The following FBXL17 variants were observed in gnomAD, a reference collection of about 807,000 sequenced individuals.
FBXL17 encodes the protein F-box/LRR-repeat protein 17.
A neutral mutation model predicts 66.2 loss-of-function variants in FBXL17; 22 were observed. The ratio of observed to expected loss-of-function variants is 0.33; its 90% CI spans 0.24 to 0.47. The LOEUF (loss-of-function observed/expected upper bound fraction) is 0.47, where lower values mean the gene tolerates loss of function less well. Ranked by LOEUF, FBXL17 falls within the 20% of genes least tolerant of loss-of-function variation. FBXL17 has a pLI of 1.00. For missense variants in FBXL17, 878 were observed against 948.2 expected (o/e 0.93, Z 0.97); for synonymous variants, 474 against 400.5 (o/e 1.18, Z -2.19).
intron 5 of FBXL17, among the ~76,000 whole-genome samples, chr5:108,189,319 G>C (rs112697019): frequency 2.3e-5 from 3 of 132,162 alleles, no homozygotes; most frequent in African/African-American, 8.9e-5. Flanking sequence ...GATGGGATGG[G>C]ATGGGATGGG....
chr5:108,152,839 T>A (rs1751823631), intron 6 of FBXL17, among the ~76,000 whole-genome samples: 1 of 152,222 alleles, frequency 6.6e-6, no homozygotes. Context: ...CTTGTTTATG[T>A]AAAATTCAGA....
chr5:108,048,090 C>G (rs888348840), intron 6 of FBXL17, among the ~76,000 whole-genome samples: 4 of 152,224 alleles, frequency 2.6e-5, no homozygotes, highest in East Asian at 3.9e-4. Context: ...GAGGAAGGAG[C>G]AGGCAGCCAT....
intron 8 of FBXL17, among the ~76,000 whole-genome samples, chr5:107,877,398 A>T (rs1379843268): frequency 6.6e-6 from 1 of 152,178 alleles, no homozygotes. Flanking sequence ...TAACCAAGAG[A>T]GACGGCGGGT....
At chr5:108,161,161 G>GATACATACATACATACATAC (rs36073647) in intron 6 of FBXL17, among the ~76,000 whole-genome samples, 4,875 of 149,294 alleles carry the variant, frequency 0.033, 152 homozygotes, top group East Asian at 0.14. Context: ...TCAACAAATA[G>GATACATACATACATACATAC]ATACATACAT....
intron 5 of FBXL17, among the ~76,000 whole-genome samples, chr5:108,217,986 G>A (rs1320695052): frequency 6.7e-6 from 1 of 148,250 alleles, no homozygotes; most frequent in Non-Finnish European, 1.5e-5. Context: ...ATTCCATTGT[G>A]TGTATATACC....
chr5:108,015,343 G>A (rs1754341587), intron 7 of FBXL17, among the ~76,000 whole-genome samples: 2 of 151,972 alleles, frequency 1.3e-5, no homozygotes, highest in Non-Finnish European at 2.9e-5. Flanking sequence ...GTAAACATTA[G>A]GACATTCTTT....
chr5:108,265,296 T>A (rs997490678), intron 4 of FBXL17, among the ~76,000 whole-genome samples: 2 of 152,010 alleles, frequency 1.3e-5, no homozygotes, highest in South Asian at 2.1e-4. Flanking sequence ...GAAAAAAAAA[T>A]TCAATTTGAC....
chr5:108,223,013 A>G (rs1754939143), intron 5 of FBXL17, among the ~76,000 whole-genome samples: 1 of 152,092 alleles, frequency 6.6e-6, no homozygotes, highest in South Asian at 2.1e-4. Context: ...TTTACTTAGC[A>G]TTTACTGTGG....
intron 5 of FBXL17, among the ~76,000 whole-genome samples, chr5:108,188,181 G>C (rs1753316391): frequency 6.6e-6 from 1 of 152,184 alleles, no homozygotes; most frequent in Admixed American, 6.5e-5. Context: ...TTCCACCTCA[G>C]CTCCCAATGG....
chr5:107,918,349 G>C (rs1229437683), intron 7 of FBXL17, among the ~76,000 whole-genome samples: 2 of 152,310 alleles, frequency 1.3e-5, no homozygotes, highest in East Asian at 3.9e-4. Flanking sequence ...GGCTGGCTGG[G>C]AACTGGCAAA....
chr5:108,354,861 G>T (rs2112513265), intron 3 of FBXL17, among the ~76,000 whole-genome samples: 1 of 151,950 alleles, frequency 6.6e-6, no homozygotes, highest in East Asian at 1.9e-4. Context: ...GAAGAAAGTA[G>T]AGTGAAATAT....
intron 6 of FBXL17, among the ~76,000 whole-genome samples, chr5:108,077,662 CAA>C (rs5870293): frequency 1.2e-3 from 162 of 133,938 alleles, no homozygotes; most frequent in East Asian, 1.5e-3. Context: ...GATCCTATCT[CAA>C]AAAAAAAAAA....
At chr5:108,214,558 G>T (rs1328258275) in intron 5 of FBXL17, among the ~76,000 whole-genome samples, 1 of 151,844 alleles carries the variant, frequency 6.6e-6, no homozygotes, top group Non-Finnish European at 1.5e-5. Context: ...TTTTAGTAGA[G>T]ACAGCATTTC....
intron 6 of FBXL17, among the ~76,000 whole-genome samples, chr5:108,156,036 C>A (rs565758535): frequency 5.0e-4 from 76 of 152,118 alleles, no homozygotes; most frequent in African/African-American, 1.7e-3. Flanking sequence ...AAAGAAGCAA[C>A]CTAGAAACAG....
chr5:108,143,505 C>T (rs1751440199), intron 6 of FBXL17, among the ~76,000 whole-genome samples: 1 of 152,126 alleles, frequency 6.6e-6, no homozygotes, highest in African/African-American at 2.4e-5. Flanking sequence ...CAATGGAACA[C>T]TCAGTCTTCT....
intron 4 of FBXL17, among the ~76,000 whole-genome samples, chr5:108,237,267 G>C (rs1755648942): frequency 6.6e-6 from 1 of 152,198 alleles, no homozygotes. Context: ...CATGTTAAGT[G>C]CTGATGCTGT....
chr5:108,047,392 C>T lies in FBXL17; in HGVS notation c.1746-26391G>A, dbSNP rs940166592. Among the ~76,000 whole-genome samples, 3 of 152,206 alleles carry T rather than the reference C, an allele frequency of 2.0e-5. No individual in the cohort carries two copies. The East Asian group carries it at 5.8e-4, about 29-fold the overall frequency. On this transcript the variant is annotated intron_variant, in intron 6 of 8. Coordinates refer to ENST00000542267, the MANE Select transcript of FBXL17 (RefSeq NM_001163315.3). ...GAGTGACGCAGATTCTCAACAGCCTCTCAGCTAGAATCCGCTTAAGCCTGC... is the reference window on the plus strand; with the variant it reads ...GAGTGACGCAGATTCTCAACAGCCTTTCAGCTAGAATCCGCTTAAGCCTGC...
chr5:107,879,356 G>T, intron 8 of FBXL17: 1 of 985,378 alleles, frequency 1.0e-6, no homozygotes, highest in Non-Finnish European at 1.2e-6. Flanking sequence ...GCCTATGGTG[G>T]ACCCTTTAAC....
chr5:108,034,094 T>C (rs767845014), intron 6 of FBXL17, among the ~76,000 whole-genome samples: 10 of 152,234 alleles, frequency 6.6e-5, no homozygotes, highest in Non-Finnish European at 1.2e-4. Flanking sequence ...GATATCTTCA[T>C]GGTTAATTCT....
Sources: allele counts gnomAD v4.1 joint callset (sites outside exome capture counted in the v4.1 genomes callset), GRCh38; gene constraint gnomAD v4.1.1; transcripts MANE v1.5; gene names NCBI Gene and HGNC (gene_info 2026-07-23, HGNC 2026-07-21).